The following INPP4A variants were observed in gnomAD, a reference collection of about 807,000 sequenced individuals.
The protein encoded by INPP4A is inositol polyphosphate-4-phosphatase type I A, also known as inositol polyphosphate-4-phosphatase, type I, 107kD.
A neutral mutation model predicts 119.8 loss-of-function variants in INPP4A; 33 were observed. The ratio of observed to expected loss-of-function variants is 0.28; its 90% CI spans 0.21 to 0.37. The LOEUF (loss-of-function observed/expected upper bound fraction) is 0.37, where lower values mean the gene tolerates loss of function less well. Ranked by LOEUF, INPP4A falls within the 10% of genes least tolerant of loss-of-function variation. The pLI is 1.00. For missense variants in INPP4A, 956 were observed against 1,289.9 expected (o/e 0.74, Z 3.97); for synonymous variants, 496 against 500.7 (o/e 0.99, Z 0.12).
At chr2:98,558,330 A>G (rs940172628) in intron 16 of INPP4A, among the ~76,000 whole-genome samples, 1 of 152,026 alleles carries the variant, frequency 6.6e-6, no homozygotes, top group Non-Finnish European at 1.5e-5. Context: ...AAAAATCTGT[A>G]TTTTTTCAAG....
intron 4 of INPP4A, among the ~76,000 whole-genome samples, chr2:98,526,603 T>C (rs1258125204): frequency 2.6e-5 from 4 of 152,164 alleles, no homozygotes; most frequent in African/African-American, 9.7e-5. Flanking sequence ...ACTCTGAAAA[T>C]TAACAGAGGC....
chr2:98,560,659 C>T (rs764694438), intron 17 of INPP4A, among the ~76,000 whole-genome samples: 14 of 152,350 alleles, frequency 9.2e-5, no homozygotes, highest in Admixed American at 5.9e-4. Flanking sequence ...TCTCCTCCTC[C>T]GTTGCCTCCC....
rs1026541994 is a variant in INPP4A, at chr2:98,537,984, A to C, written c.579+10A>C. The C allele has an allele frequency of 1.3e-6, 2 of 1,538,268 alleles. No individual in the cohort carries two copies. The highest frequency in any genetic ancestry group is 1.8e-6 in the Non-Finnish European group (2 of 1,115,904). On this transcript the variant is annotated intron_variant, in intron 8 of 24. Transcript: ENST00000409851. Reference sequence around the variant, plus strand: ...CACTGTCAATGGGAGGGTGAGTTACACCACTTTCCTCCTCTCCCTTAGAAA... The same window carrying C: ...CACTGTCAATGGGAGGGTGAGTTACCCCACTTTCCTCCTCTCCCTTAGAAA...
In INPP4A at chr2:98,508,676, T is replaced by C. The variant is rs181285777; in HGVS notation, c.-165-10288T>C. Among the ~76,000 whole-genome samples the C allele has an allele frequency of 5.3e-5, 8 of 152,314 alleles. No homozygotes were observed. In the East Asian group the frequency reaches 1.5e-3, roughly 29 times the overall value. On this transcript the variant is annotated intron_variant, in intron 1 of 24. Transcript: ENST00000409851. ...TCCTGGACAACAGACGGGCAAACTT[T>C]CAGTTAATTGTGTGAGGGCTTCAAG...
At chr2:98,508,779 T>C (rs1684571167) in intron 1 of INPP4A, among the ~76,000 whole-genome samples, 1 of 152,202 alleles carries the variant, frequency 6.6e-6, no homozygotes, top group Non-Finnish European at 1.5e-5. Flanking sequence ...ACCGCGCTGC[T>C]CCTGGTGCAC....
chr2:98,488,867 C>G (rs1471655089), intron 1 of INPP4A, among the ~76,000 whole-genome samples: 2 of 151,720 alleles, frequency 1.3e-5, no homozygotes, highest in Non-Finnish European at 2.9e-5. Context: ...GTTTCAAGCA[C>G]AGAGGACTGA....
At chr2:98,528,412 C>T (rs1688564647) in intron 4 of INPP4A, among the ~76,000 whole-genome samples, 1 of 152,150 alleles carries the variant, frequency 6.6e-6, no homozygotes, top group South Asian at 2.1e-4. Context: ...ACCTGTGGGA[C>T]ACAATCAAGT....
intron 1 of INPP4A, among the ~76,000 whole-genome samples, chr2:98,509,224 C>T (rs1016462402): frequency 3.3e-5 from 5 of 152,184 alleles, no homozygotes; most frequent in East Asian, 1.9e-4. Context: ...CCACAGTCCC[C>T]GGGCTGCAGA....
At chr2:98,507,365 G>A (rs1402540216) in intron 1 of INPP4A, among the ~76,000 whole-genome samples, 4 of 152,188 alleles carry the variant, frequency 2.6e-5, no homozygotes, top group Admixed American at 1.3e-4. Context: ...TATGTTGTGT[G>A]TCTGATACAA....
intron 1 of INPP4A, among the ~76,000 whole-genome samples, chr2:98,466,574 T>C (rs182567447): frequency 1.9e-4 from 29 of 152,340 alleles, no homozygotes; most frequent in African/African-American, 6.7e-4. Flanking sequence ...CGTGAGAGAA[T>C]TGCGGCTCAG....
chr2:98,557,193 T>C (rs1048928994), intron 16 of INPP4A, among the ~76,000 whole-genome samples: 2 of 152,248 alleles, frequency 1.3e-5, no homozygotes, highest in African/African-American at 4.8e-5. Flanking sequence ...TATTCAGTTT[T>C]AAAGTTAGTT....
chr2:98,561,742 T>G (rs1367091434), intron 17 of INPP4A, among the ~76,000 whole-genome samples: 1 of 152,258 alleles, frequency 6.6e-6, no homozygotes, highest in Non-Finnish European at 1.5e-5. Flanking sequence ...TTTCATGATA[T>G]GCATGACAGC....
chr2:98,563,505 C>G lies in INPP4A; in HGVS notation c.1896C>G (p.Leu632=), dbSNP rs367686824. 6.2e-7 allele frequency: 1 copy of G among 1,613,760 alleles called. No homozygotes were observed. The highest frequency in any genetic ancestry group is 8.5e-7 in the Non-Finnish European group (1 of 1,179,800). Residue 632 remains leucine, a synonymous_variant, in exon 18 of 25, where the codon CTC becomes CTG. Transcript: ENST00000409851. ...CCCTTTACCCGCTGCTGACCACTCT[C>G]ACCGACTGCGTGGCCATGATGAGTG... ...SEALYPLLTT[L]TDCVAMMSDK...
chr2:98,508,913 C>T (rs3754884), intron 1 of INPP4A, among the ~76,000 whole-genome samples: 36,916 of 151,926 alleles, frequency 0.24, 4,635 homozygotes, highest in Middle Eastern at 0.35. Context: ...GCCTGGTGCG[C>T]GGGAGTGAGA....
At chr2:98,553,580 C>T (rs1296157632) in intron 14 of INPP4A, among the ~76,000 whole-genome samples, 1 of 151,830 alleles carries the variant, frequency 6.6e-6, no homozygotes, top group Non-Finnish European at 1.5e-5. Context: ...CTCTCATACA[C>T]ACACACACAC....
rs115198751 is a variant in INPP4A, at chr2:98,553,044, G to T, written c.1347+75G>T. ...CTGGAAGCCACCAGGCAGCCCAGGTGTACCTAAGATGGTCCACAAAGAGCG... is the reference window on the plus strand; with the variant it reads ...CTGGAAGCCACCAGGCAGCCCAGGTTTACCTAAGATGGTCCACAAAGAGCG... On this transcript the variant is annotated intron_variant, in intron 14 of 24. Coordinates refer to ENST00000409851, the MANE Select transcript of INPP4A (RefSeq NM_001134225.2). 4,457 of 1,222,434 alleles carry T rather than the reference G, an allele frequency of 3.6e-3. 121 individuals carry two copies. The African/African-American group carries it at 0.059, about 16-fold the overall frequency. The allele number at this position is 1,222,434 out of a possible 1,614,324, so 75.7% of individuals were successfully genotyped here.
At chr2:98,489,262 C>T in intron 1 of INPP4A, among the ~76,000 whole-genome samples, 1 of 151,942 alleles carries the variant, frequency 6.6e-6, no homozygotes, top group East Asian at 1.9e-4. Flanking sequence ...CAGTGGATAC[C>T]AGGAGTTCAG....
intron 1 of INPP4A, among the ~76,000 whole-genome samples, chr2:98,457,476 G>A (rs535602261): frequency 6.6e-6 from 1 of 152,320 alleles, no homozygotes; most frequent in South Asian, 2.1e-4. Context: ...TTGGGAACTG[G>A]TCATCCCAGG....
At position 98,590,816 on chromosome 2, in the gene INPP4A, C is replaced by G. The variant is rs746951469; in HGVS notation, c.*3208C>G. 5 of 228,004 alleles carry G rather than the reference C, an allele frequency of 2.2e-5. No homozygotes were observed. The highest frequency in any genetic ancestry group is 4.4e-5 in the Non-Finnish European group (5 of 114,928). The allele number at this position is 228,004 out of a possible 1,614,324, so 14.1% of individuals were successfully genotyped here. A position where few individuals can be genotyped will look rare whatever the true frequency, so the allele number is the denominator to read the frequency against. On this transcript the variant is annotated 3_prime_UTR_variant, in exon 25 of 25. Transcript: ENST00000409851. ...TGGAGTTTTTAGTATTACCAAACTC[C>G]TAGAAATTTAAGCTACCACCAAAAA...
Sources: gnomAD v4.1 joint callset for allele counts (sites outside exome capture counted in the v4.1 genomes callset) on GRCh38, gnomAD v4.1.1 for gene constraint, MANE v1.5 for transcripts, NCBI Gene and HGNC (gene_info 2026-07-23, HGNC 2026-07-21) for gene names.